Variants in CNTNAP2 observed in about 807,000 individuals in gnomAD.
The protein encoded by CNTNAP2 is contactin-associated protein-like 2.
In CNTNAP2, 98 loss-of-function variants were observed where a neutral mutation model predicts 155.2. The observed-to-expected ratio is 0.63, with a 90% CI of 0.54 to 0.75. The LOEUF (loss-of-function observed/expected upper bound fraction) is 0.75. CNTNAP2 is among the 30% of genes least tolerant of loss of function. CNTNAP2 has a pLI of 0.00. For synonymous variants in CNTNAP2, 651 were observed against 631.2 expected, an observed-to-expected ratio of 1.03 and a Z score of -0.47; for missense variants, 1,727 against 1,688.1, an observed-to-expected ratio of 1.02 and a Z score of -0.40.
Position 148,172,352 on chromosome 7 carries a change from G to A in CNTNAP2, c.2884G>A (p.Gly962Arg), listed in dbSNP as rs749575477. The A allele has an allele frequency of 6.2e-6, 10 of 1,614,140 alleles. No individual in the cohort carries two copies. The highest frequency in any genetic ancestry group is 1.7e-5 in the Admixed American group (1 of 60,004). Residue 962 changes from glycine (G) to arginine (R), a missense_variant, in exon 18 of 24, where the codon GGA becomes AGA. Physicochemically the swap from Gly to Arg is moderately radical, Grantham distance 125. Coordinates refer to ENST00000361727, the MANE Select transcript of CNTNAP2 (RefSeq NM_014141.6). ...RAKVTSGFIS[G>R]CSGHCTSYGT... is the part of the protein sequence containing the mutation. ...AAAGGTCACATCTGGGTTCATATCC[G>A]GATGCTCGGGCCATTGCACCAGCTA...
intron 3 of CNTNAP2, among the ~76,000 whole-genome samples, chr7:146,975,197 G>A (rs1190079491): frequency 6.6e-6 from 1 of 152,094 alleles, no homozygotes; most frequent in Non-Finnish European, 1.5e-5. Flanking sequence ...GGGCGCGTTG[G>A]CTCATGCCTG....
At position 146,116,850 on chromosome 7, in the gene CNTNAP2, G is replaced by A. The variant is rs1797490195; in HGVS notation, c.-27G>A. The A allele has an allele frequency of 1.3e-6, 2 of 1,530,662 alleles. No homozygotes were observed. The highest frequency in any genetic ancestry group is 1.8e-6 in the Non-Finnish European group (2 of 1,134,468). The allele number at this position is 1,530,662 out of a possible 1,614,324, so 94.8% of individuals were successfully genotyped here. A position where few individuals can be genotyped will look rare whatever the true frequency, so the allele number is the denominator to read the frequency against. Reference sequence around the variant, plus strand: ...GACTGCATCTCCGCAGCGAGCTCTTGGAGCGCCGCCGGCCGGGAGGCGAAG... The same window carrying A: ...GACTGCATCTCCGCAGCGAGCTCTTAGAGCGCCGCCGGCCGGGAGGCGAAG... On this transcript the variant is annotated 5_prime_UTR_variant, in exon 1 of 24. Transcript: ENST00000361727. This position sits in a 1 kb window ranked among gnomAD's most constrained non-coding sequence, Gnocchi z 5.5.
chr7:146,846,281 T>C (rs1803839075), intron 3 of CNTNAP2, among the ~76,000 whole-genome samples: 1 of 152,120 alleles, frequency 6.6e-6, no homozygotes, highest in Non-Finnish European at 1.5e-5. Flanking sequence ...GGCAGACATA[T>C]TCATAATAAT....
At chr7:146,855,831 A>G (rs201282955) in intron 3 of CNTNAP2, among the ~76,000 whole-genome samples, 9,600 of 134,964 alleles carry the variant, frequency 0.071, 503 homozygotes, top group East Asian at 0.11. Context: ...ATATATATAT[A>G]TATATATATA....
intron 21 of CNTNAP2, among the ~76,000 whole-genome samples, chr7:148,352,729 C>T (rs1376463283): frequency 6.6e-6 from 1 of 152,162 alleles, no homozygotes; most frequent in Non-Finnish European, 1.5e-5. Flanking sequence ...TGTGGCTTGC[C>T]CAAGTTCAAC....
At chr7:146,452,167 A>G (rs958362644) in intron 1 of CNTNAP2, among the ~76,000 whole-genome samples, 1 of 151,958 alleles carries the variant, frequency 6.6e-6, no homozygotes, top group Non-Finnish European at 1.5e-5. Flanking sequence ...TCGGCCTCCC[A>G]AAGTGCTAGG....
intron 15 of CNTNAP2, among the ~76,000 whole-genome samples, chr7:148,102,582 C>T (rs1804124244): frequency 6.6e-6 from 1 of 152,146 alleles, no homozygotes; most frequent in Non-Finnish European, 1.5e-5. Flanking sequence ...AATTGGCATG[C>T]CATACTAAAT....
intron 1 of CNTNAP2, among the ~76,000 whole-genome samples, chr7:146,647,343 A>G (rs775229149): frequency 6.7e-6 from 1 of 148,362 alleles, no homozygotes; most frequent in African/African-American, 2.5e-5. Flanking sequence ...GAGAAGAAAA[A>G]AATAATCTTA....
At chr7:148,330,491 GGA>G (rs1797971799) in intron 21 of CNTNAP2, among the ~76,000 whole-genome samples, 1 of 149,910 alleles carries the variant, frequency 6.7e-6, no homozygotes. Context: ...CGGATGGAGT[GGA>G]TGGATGGATG....
intron 4 of CNTNAP2, among the ~76,000 whole-genome samples, chr7:147,092,271 G>A (rs1800423921): frequency 6.6e-6 from 1 of 152,152 alleles, no homozygotes; most frequent in African/African-American, 2.4e-5. Context: ...AACTGGATTT[G>A]TGATATATCT....
chr7:147,858,984 A>G (rs1000620933), intron 13 of CNTNAP2, among the ~76,000 whole-genome samples: 10 of 152,136 alleles, frequency 6.6e-5, no homozygotes, highest in African/African-American at 2.4e-4. Context: ...GCTATGTCAG[A>G]ACTCCTCTTA....
At chr7:146,795,142 A>G (rs998646262) in intron 2 of CNTNAP2, among the ~76,000 whole-genome samples, 5 of 152,248 alleles carry the variant, frequency 3.3e-5, no homozygotes, top group Admixed American at 2.6e-4. Context: ...AGATAATGCA[A>G]CATAAATCTC....
At chr7:147,271,694 C>T (rs776037981) in intron 8 of CNTNAP2, among the ~76,000 whole-genome samples, 2 of 152,056 alleles carry the variant, frequency 1.3e-5, no homozygotes, top group African/African-American at 4.8e-5. Context: ...CCTTATAAAA[C>T]CATCAGATCT....
intron 1 of CNTNAP2, among the ~76,000 whole-genome samples, chr7:146,294,487 A>C (rs1304946661): frequency 1.3e-5 from 2 of 152,138 alleles, no homozygotes; most frequent in Non-Finnish European, 2.9e-5. Flanking sequence ...GCTTATGCAA[A>C]CCTTGTGTGG....
At chr7:148,303,198 C>T (rs1241466590) in intron 21 of CNTNAP2, among the ~76,000 whole-genome samples, 1 of 152,120 alleles carries the variant, frequency 6.6e-6, no homozygotes, top group Non-Finnish European at 1.5e-5. Context: ...TATTCCCACT[C>T]CTGAAATTTA....
intron 2 of CNTNAP2, among the ~76,000 whole-genome samples, chr7:146,827,105 G>A (rs1032744457): frequency 5.3e-5 from 8 of 151,770 alleles, no homozygotes; most frequent in African/African-American, 1.4e-4. Flanking sequence ...TCCTGTTTCA[G>A]GGATGTTATT....
At chr7:146,928,372 A>T (rs1796654194) in intron 3 of CNTNAP2, among the ~76,000 whole-genome samples, 1 of 152,160 alleles carries the variant, frequency 6.6e-6, no homozygotes, top group Non-Finnish European at 1.5e-5. Flanking sequence ...TCCATGGCAA[A>T]ATTTTAATGT....
intron 13 of CNTNAP2, among the ~76,000 whole-genome samples, chr7:147,875,590 AT>A (rs1394234547): frequency 6.6e-6 from 1 of 152,086 alleles, no homozygotes; most frequent in Non-Finnish European, 1.5e-5. Context: ...AAACAAAGTA[AT>A]TTTTAAAAAT....
At chr7:146,968,397 C>T (rs1222565269) in intron 3 of CNTNAP2, among the ~76,000 whole-genome samples, 1 of 150,438 alleles carries the variant, frequency 6.6e-6, no homozygotes, top group African/African-American at 2.4e-5. Context: ...ACCAGTTCCT[C>T]CTTGTACCTC....
Sources: allele counts gnomAD v4.1 joint callset (sites outside exome capture counted in the v4.1 genomes callset), GRCh38; gene constraint gnomAD v4.1.1; non-coding constraint Gnocchi (gnomAD v3.1); transcripts MANE v1.5; gene names NCBI Gene and HGNC (gene_info 2026-07-23, HGNC 2026-07-21).